The following SLF1 variants were observed in gnomAD, a reference collection of about 807,000 sequenced individuals.
The protein encoded by SLF1 is SMC5/6 complex localization factor 1.
SLF1 carries 105 observed loss-of-function variants against 123.0 expected under a neutral mutation model. The observed-to-expected ratio is 0.85, with a 90% CI of 0.73 to 1.00. The LOEUF (loss-of-function observed/expected upper bound fraction) is 1.00, where lower values mean the gene tolerates loss of function less well. SLF1 is among the 50% of genes least tolerant of loss of function. The probability of loss-of-function intolerance (pLI) is 0.00; values close to 1 mark genes in which losing one functional copy is unlikely to be tolerated. For missense variants in SLF1, 1,239 were observed against 1,223.0 expected (o/e 1.01, Z -0.20); for synonymous variants, 434 against 406.6 (o/e 1.07, Z -0.81).
At chr5:94,661,903 A>T (rs1047161348) in intron 9 of SLF1, among the ~76,000 whole-genome samples, 1 of 151,992 alleles carries the variant, frequency 6.6e-6, no homozygotes, top group Non-Finnish European at 1.5e-5. Flanking sequence ...TAAATATGCA[A>T]TTATGGGTGT....
At chr5:94,650,427 A>G (rs1019871427) in intron 6 of SLF1, among the ~76,000 whole-genome samples, 3 of 146,612 alleles carry the variant, frequency 2.0e-5, no homozygotes, top group Admixed American at 6.9e-5. Flanking sequence ...CAGTGGCACT[A>G]TCTCGGCTCA....
Position 94,629,176 on chromosome 5 carries a change from A to G in SLF1, c.190+9A>G, listed in dbSNP as rs1561420907. 1 of 1,545,068 alleles carries G rather than the reference A, an allele frequency of 6.5e-7. No individual in the cohort carries two copies. The highest frequency in any genetic ancestry group is 1.2e-5 in the South Asian group (1 of 82,586). On this transcript the variant is annotated intron_variant, in intron 3 of 20. Coordinates refer to ENST00000265140, the MANE Select transcript of SLF1 (RefSeq NM_032290.4). ...AGCAGCTTGTGCGGCAGGTAAGTTA[A>G]CTGTCTTCCCCCAACTTTTAAAAAC...
At chr5:94,626,189 C>T (rs113476834) in intron 1 of SLF1, among the ~76,000 whole-genome samples, 30 of 149,804 alleles carry the variant, frequency 2.0e-4, no homozygotes, top group African/African-American at 6.4e-4. Flanking sequence ...GGAGGCGGAA[C>T]TTGCACTGAG....
chr5:94,672,486 C>G (rs1330610658), intron 14 of SLF1, among the ~76,000 whole-genome samples: 1 of 151,452 alleles, frequency 6.6e-6, no homozygotes, highest in Non-Finnish European at 1.5e-5. Flanking sequence ...TTCCCCTGTC[C>G]TCCTCTTTCT....
In SLF1 at chr5:94,629,159, G is replaced by C. The variant is rs1209810613; in HGVS notation, c.182G>C (p.Cys61Ser). 2 of 1,547,652 alleles carry C rather than the reference G, an allele frequency of 1.3e-6. No homozygotes were observed. Among genetic ancestry groups the C allele is most frequent in the Non-Finnish European group, 8.7e-7 (1 of 1,145,380 alleles). Residue 61 changes from cysteine to serine, a missense_variant, in exon 3 of 21, where the codon TGT becomes TCT. Transcript: ENST00000265140. ...AAGAGTGAAAAATTTTTAGCAGCTT[G>C]TGCGGCAGGTAAGTTAACTGTCTTC... The part of the protein sequence containing the change: ...LCKSEKFLAA[C>S]AAGKWILTKD...
intron 1 of SLF1, among the ~76,000 whole-genome samples, chr5:94,627,582 T>C (rs1744602924): frequency 1.6e-5 from 1 of 61,782 alleles, no homozygotes; most frequent in Non-Finnish European, 3.2e-5. Context: ...ATGATGAAAT[T>C]AACATATATA....
At chr5:94,634,687 A>G (rs1157745865) in intron 4 of SLF1, among the ~76,000 whole-genome samples, 3 of 152,198 alleles carry the variant, frequency 2.0e-5, no homozygotes, top group Non-Finnish European at 4.4e-5. Flanking sequence ...TCCATTCCCA[A>G]CAACTAGGGA....
Position 94,628,710 on chromosome 5 carries a change from TA to T in SLF1, c.1-99del, listed in dbSNP as rs1482130774. ...TAACATCTTTAATTCATTGTATGTTTAATAGTTTATTTTTAGTACTCATAGT... is the reference window on the plus strand; with the variant it reads ...TAACATCTTTAATTCATTGTATGTTTATAGTTTATTTTTAGTACTCATAGT... On this transcript the variant is annotated intron_variant, in intron 1 of 20. Coordinates refer to ENST00000265140, the MANE Select transcript of SLF1 (RefSeq NM_032290.4). 39 of 629,264 alleles carry T rather than the reference TA, an allele frequency of 6.2e-5. No individual in the cohort carries two copies. The East Asian group carries it at 9.7e-4, about 16-fold the overall frequency. 39.0% of individuals were successfully genotyped at this position (629,264 alleles called of 1,614,324 possible). A position where few individuals can be genotyped will look rare whatever the true frequency, so the allele number is the denominator to read the frequency against.
At chr5:94,651,366 T>C (rs750659653) in intron 6 of SLF1, among the ~76,000 whole-genome samples, 73 of 152,224 alleles carry the variant, frequency 4.8e-4, no homozygotes, top group Admixed American at 3.4e-3. Context: ...ACTCAAATTA[T>C]GTATGTAAAA....
chr5:94,651,930 T>TA lies in SLF1; in HGVS notation c.882+90dup, dbSNP rs545308102. 1.2e-3 allele frequency: 807 copies of TA among 661,936 alleles called. 6 individuals are homozygous for TA. In the African/African-American group the frequency reaches 0.014, roughly 12 times the overall value. The allele number at this position is 661,936 out of a possible 1,614,324, so 41.0% of individuals were successfully genotyped here. A position where few individuals can be genotyped will look rare whatever the true frequency, so the allele number is the denominator to read the frequency against. ...TTTTCTTTAGCTTTTAAAAAATATA[T>TA]AAAAATGAGTTATGTATCCAATAGC... On this transcript the variant is annotated intron_variant, in intron 7 of 20. Transcript: ENST00000265140.
intron 14 of SLF1, among the ~76,000 whole-genome samples, chr5:94,677,672 TAAC>T (rs574250899): frequency 1.1e-3 from 164 of 152,230 alleles, no homozygotes; most frequent in Middle Eastern, 0.01. Context: ...AGACAACAAA[TAAC>T]AAGAACATAA....
chr5:94,635,337 CTT>C (rs34524874), intron 4 of SLF1, among the ~76,000 whole-genome samples: 24 of 43,892 alleles, frequency 5.5e-4, no homozygotes, highest in East Asian at 4.2e-3. Flanking sequence ...ACATACTCGG[CTT>C]TTTTTTTTTT....
rs148972240 is a variant in SLF1 at position 94,629,260 on chromosome 5, C to G, written c.190+93C>G. 659 of 871,064 alleles carry G rather than the reference C, an allele frequency of 7.6e-4. 4 individuals are homozygous for G. The African/African-American group carries it at 9.6e-3, about 13-fold the overall frequency. The allele number at this position is 871,064 out of a possible 1,614,324, so 54.0% of individuals were successfully genotyped here. A position where few individuals can be genotyped will look rare whatever the true frequency, so the allele number is the denominator to read the frequency against. On this transcript the variant is annotated intron_variant, in intron 3 of 20. Coordinates refer to ENST00000265140, the MANE Select transcript of SLF1 (RefSeq NM_032290.4). ...CTGGAGAGATAGCATATTTACATATCAAACCTAAATGTGTTTTTCTGATAT... is the reference window on the plus strand; with the variant it reads ...CTGGAGAGATAGCATATTTACATATGAAACCTAAATGTGTTTTTCTGATAT...
At chr5:94,671,770 G>A (rs990971733) in intron 14 of SLF1, among the ~76,000 whole-genome samples, 4 of 147,976 alleles carry the variant, frequency 2.7e-5, no homozygotes, top group Admixed American at 6.8e-5. Context: ...CATTCATTTC[G>A]TAGTTTGGTA....
At position 94,653,297 on chromosome 5, in the gene SLF1, A is replaced by T. The variant is rs372908443; in HGVS notation, c.908A>T (p.Asp303Val). The T allele has an allele frequency of 1.3e-5, 20 of 1,530,986 alleles. No homozygotes were observed. The South Asian group carries it at 1.4e-4, about 11-fold the overall frequency. 94.8% of individuals were successfully genotyped at this position (1,530,986 alleles called of 1,614,324 possible). A position where few individuals can be genotyped will look rare whatever the true frequency, so the allele number is the denominator to read the frequency against. ...NQKEIKKKDE[D>V]IQRSYTLRRK... ...AAGGAAATTAAGAAAAAAGATGAAG[A>T]TATTCAGAGGAGTTATACTTTGAGG... Residue 303 changes from aspartate to valine, a missense_variant, in exon 8 of 21, where the codon GAT (aspartate) becomes GTT (valine). By Grantham distance (152) the Asp-to-Val change is radical (BLOSUM62 -3). Coordinates refer to ENST00000265140, the MANE Select transcript of SLF1 (RefSeq NM_032290.4).
Position 94,654,657 on chromosome 5 carries a change from G to T in SLF1, c.1060G>T (p.Glu354Ter). The T allele has an allele frequency of 6.5e-7, 1 of 1,540,580 alleles. No individual in the cohort carries two copies. Among genetic ancestry groups the T allele is most frequent in the South Asian group, 1.2e-5 (1 of 81,864 alleles). Reference protein sequence around the residue: ...QKEMKNSIFAEYAKESKAMAI... With the variant: ...QKEMKNSIFA Reference sequence around the variant, plus strand: ...AGAAATGAAGAATTCTATTTTTGCTGAATATGCCAAAGAATCAAAAGCCAT... The same window carrying T: ...AGAAATGAAGAATTCTATTTTTGCTTAATATGCCAAAGAATCAAAAGCCAT... Residue 354 changes from glutamate to a stop codon, truncating the protein, a stop_gained, in exon 9 of 21, where the codon GAA becomes TAA. Transcript: ENST00000265140. LOFTEE classifies it high-confidence loss of function.
At position 94,619,286 on chromosome 5, in the gene SLF1, A is replaced by T. The variant is rs1791392695; in HGVS notation, c.-1+521A>T. ...GTGTCATTCTTTCCTCTCTAGTAGA[A>T]TTTTTTTTTTTTAAACTGCTAAAAC... On this transcript the variant is annotated intron_variant, in intron 1 of 20. Transcript: ENST00000265140. 2.0e-5 allele frequency among the ~76,000 whole-genome samples: 3 copies of T among 148,748 alleles called. No individual in the cohort carries two copies. In the South Asian group the frequency reaches 6.4e-4, roughly 32 times the overall value.
chr5:94,685,193 G>A (rs1456138587), intron 15 of SLF1, among the ~76,000 whole-genome samples: 1 of 152,186 alleles, frequency 6.6e-6, no homozygotes, highest in Admixed American at 6.5e-5. Flanking sequence ...TTCTCTTCAC[G>A]CTGAAAGAAT....
At chr5:94,619,135 C>T (rs1585076099) in intron 1 of SLF1, among the ~76,000 whole-genome samples, 2 of 152,158 alleles carry the variant, frequency 1.3e-5, no homozygotes, top group East Asian at 3.9e-4. Context: ...CCCCGCGTCT[C>T]TCGTTTCCAT....
Sources: allele counts gnomAD v4.1 joint callset (sites outside exome capture counted in the v4.1 genomes callset), GRCh38; gene constraint gnomAD v4.1.1; transcripts MANE v1.5; gene names NCBI Gene and HGNC (gene_info 2026-07-23, HGNC 2026-07-21).